The following CELA2A variants were observed in gnomAD, a reference collection of about 807,000 sequenced individuals.
The protein encoded by CELA2A is chymotrypsin like elastase 2A.
In CELA2A, 31 loss-of-function variants were observed where a neutral mutation model predicts 35.3. That is an observed-to-expected ratio of 0.88 (90% CI 0.66 to 1.19). The LOEUF (loss-of-function observed/expected upper bound fraction) is 1.19. Ranked by LOEUF, CELA2A falls within the 50% of genes most tolerant of loss-of-function variation. The pLI is 0.00. For synonymous variants in CELA2A, 150 were observed against 149.8 expected (o/e 1.00, Z -0.01); for missense variants, 330 against 352.9 (o/e 0.94, Z 0.52).
chr1:15,463,565 G>A (rs755938930), intron 5 of CELA2A, 43 bp downstream of exon 5: 11 of 1,612,472 alleles, frequency 6.8e-6, no homozygotes, highest in Middle Eastern at 1.6e-4. Context: ...AGGGAAGGGA[G>A]GTGATTCACG....
rs148630095 is a variant in CELA2A, at chr1:15,462,752, G to T, written c.247G>T (p.Val83Leu). The T allele has an allele frequency of 7.4e-6, 12 of 1,614,032 alleles. No individual in the cohort carries two copies. The East Asian group carries it at 1.3e-4, about 18-fold the overall frequency. Residue 83 changes from valine to leucine, a missense_variant, in exon 4 of 8, where the codon GTG becomes TTG. By Grantham distance (32) the Val-to-Leu change is conservative (BLOSUM62 1). Coordinates refer to ENST00000359621, the MANE Select transcript of CELA2A (RefSeq NM_033440.3). ...HCISSSRTYRVGLGRHNLYVA... is the reference protein window; with the variant it reads ...HCISSSRTYRLGLGRHNLYVA... ...TCCCAGCTCCTCCAGGACCTACCGC[G>T]TGGGGCTGGGCCGGCACAACCTCTA...
intron 2 of CELA2A, 136 bp from the exon 3 acceptor site, chr1:15,461,425 C>T (rs1708431961): frequency 3.7e-6 from 3 of 803,204 alleles, no homozygotes; most frequent in African/African-American, 1.7e-5. Flanking sequence ...GTTTTGGGTG[C>T]TGCCTTAAGT....
intron 2 of CELA2A, 130 bp downstream of exon 2, chr1:15,457,304 C>A: frequency 1.2e-6 from 1 of 822,946 alleles, no homozygotes; most frequent in Non-Finnish European, 2.0e-6. Flanking sequence ...GCAGCACAGG[C>A]AACTTTAGCA....
intron 7 of CELA2A, among the ~76,000 whole-genome samples, chr1:15,469,899 T>C (rs1159170651): frequency 6.6e-6 from 1 of 152,112 alleles, no homozygotes; most frequent in African/African-American, 2.4e-5. Flanking sequence ...CAGCTGGTCC[T>C]GGCAGCAACC....
At chr1:15,471,552 AAAAC>A (rs1290273548) in intron 7 of CELA2A, among the ~76,000 whole-genome samples, 3 of 152,080 alleles carry the variant, frequency 2.0e-5, no homozygotes, top group Admixed American at 6.5e-5. Flanking sequence ...TCTCAAAAAG[AAAAC>A]AAACAAACAA....
Position 15,467,509 on chromosome 1 carries a change from G to A in CELA2A, c.763G>A (p.Val255Ile). 1 of 1,614,166 alleles carries A rather than the reference G, an allele frequency of 6.2e-7. No individual in the cohort carries two copies. The highest frequency in any genetic ancestry group is 8.5e-7 in the Non-Finnish European group (1 of 1,180,042). ...CCACAAGCCCTCCGTCTTCACGCGGGTCTCCAATTACATCGACTGGATCAA... is the reference window on the plus strand; with the variant it reads ...CCACAAGCCCTCCGTCTTCACGCGGATCTCCAATTACATCGACTGGATCAA... ...YYHKPSVFTR[V>I]SNYIDWINSV... The change falls in exon 7 of 8, where the codon GTC becomes ATC. Residue 255 changes from valine to isoleucine, a missense_variant. Physicochemically the swap from Val to Ile is conservative, Grantham distance 29. Transcript: ENST00000359621.
Position 15,463,424 on chromosome 1 carries a change from C to G in CELA2A, c.395C>G (p.Ser132Cys). 6.2e-7 allele frequency: 1 copy of G among 1,613,982 alleles called. No homozygotes were observed. The highest frequency in any genetic ancestry group is 8.5e-7 in the Non-Finnish European group (1 of 1,179,906). ...IALLKLANPV[S>C]LTDKIQLACL... ...CTGCTCAAACTGGCTAACCCCGTCTCCCTCACCGACAAGATCCAGCTGGCC... is the reference window on the plus strand; with the variant it reads ...CTGCTCAAACTGGCTAACCCCGTCTGCCTCACCGACAAGATCCAGCTGGCC... The change falls in exon 5 of 8, where the codon TCC (serine) becomes TGC (cysteine). Residue 132 changes from serine to cysteine, a missense_variant. Physicochemically the swap from Ser to Cys is moderately radical, Grantham distance 112. Coordinates refer to ENST00000359621, the MANE Select transcript of CELA2A (RefSeq NM_033440.3).
chr1:15,471,931 A>T, intron 7 of CELA2A, 59 bp from the exon 8 acceptor site: 2 of 1,611,086 alleles, frequency 1.2e-6, no homozygotes, highest in Non-Finnish European at 1.7e-6. Flanking sequence ...GAGACAGGAA[A>T]CTGCCATGCA....
chr1:15,461,887 G>C, intron 3 of CELA2A: 1 of 694,460 alleles, frequency 1.4e-6, no homozygotes, highest in Admixed American at 2.0e-5. Context: ...GGAGGATGAA[G>C]AGGAGGGGAA....
At chr1:15,465,853 C>T (rs1208623370) in intron 5 of CELA2A, 146 bp from the exon 6 acceptor site, 8 of 920,852 alleles carry the variant, frequency 8.7e-6, no homozygotes, top group East Asian at 4.9e-5. Context: ...ACCAATCAAC[C>T]GTGAGGACAC....
intron 6 of CELA2A, among the ~76,000 whole-genome samples, 180 bp from the exon 7 acceptor site, chr1:15,467,203 ACAC>A (rs1708529922): frequency 6.6e-6 from 1 of 152,214 alleles, no homozygotes; most frequent in African/African-American, 2.4e-5. Flanking sequence ...AGCTCTGGCC[ACAC>A]AGGAAGAATA....
chr1:15,466,256 C>T lies in CELA2A; in HGVS notation c.639+112C>T, dbSNP rs147166782. The T allele has an allele frequency of 3.0e-4, 383 of 1,280,192 alleles. 3 individuals are homozygous for T. In the African/African-American group the frequency reaches 4.3e-3, roughly 14 times the overall value. The allele number at this position is 1,280,192 out of a possible 1,614,324, so 79.3% of individuals were successfully genotyped here. A position where few individuals can be genotyped will look rare whatever the true frequency, so the allele number is the denominator to read the frequency against. On this transcript the variant is annotated intron_variant, in intron 6 of 7. Transcript: ENST00000359621. ...CTCCCACCTCCTGGCAGAATTACCC[C>T]GAAACATGTTCCAGATATATCTTTG...
At chr1:15,468,091 T>TA (rs35520894) in intron 7 of CELA2A, among the ~76,000 whole-genome samples, 1,605 of 86,352 alleles carry the variant, frequency 0.019, 35 homozygotes, top group African/African-American at 0.039. Flanking sequence ...AAACTCCATC[T>TA]AAAAAAAAAA....
chr1:15,459,947 C>CA (rs80212453), intron 2 of CELA2A, among the ~76,000 whole-genome samples: 1,744 of 95,334 alleles, frequency 0.018, 33 homozygotes, highest in African/African-American at 0.053. Flanking sequence ...ATAGCCATCT[C>CA]AAAAAAAAAA....
intron 3 of CELA2A, 131 bp from the exon 4 acceptor site, chr1:15,462,601 TC>T (rs1708450486): frequency 9.2e-7 from 1 of 1,083,076 alleles, no homozygotes; most frequent in African/African-American, 1.6e-5. Flanking sequence ...TAACTGATTG[TC>T]CCAGGGGAGG....
chr1:15,462,359 C>T lies in CELA2A; in HGVS notation c.228-374C>T, dbSNP rs569515080. 5 of 378,738 alleles carry T rather than the reference C, an allele frequency of 1.3e-5. No homozygotes were observed. In the East Asian group the frequency reaches 3.6e-4, roughly 28 times the overall value. 23.5% of individuals were successfully genotyped at this position (378,738 alleles called of 1,614,324 possible). On this transcript the variant is annotated intron_variant, in intron 3 of 7. Transcript: ENST00000359621. ...TCTCACTAACGGTGGGACTCTGGGC[C>T]AGGTTACGCCTCTCTGGGCCTCAGT...
intron 5 of CELA2A, among the ~76,000 whole-genome samples, chr1:15,464,725 GT>G (rs1275945543): frequency 6.6e-6 from 1 of 152,126 alleles, no homozygotes; most frequent in African/African-American, 2.4e-5. Context: ...ACAACCTCCT[GT>G]TTGTTTCCCC....
chr1:15,457,299 A>G, intron 2 of CELA2A, 125 bp downstream of exon 2: 1 of 890,138 alleles, frequency 1.1e-6, no homozygotes, highest in Non-Finnish European at 1.8e-6. Flanking sequence ...AGAGAGCAGC[A>G]CAGGCAACTT....
Position 15,469,676 on chromosome 1 carries a change from A to T in CELA2A, c.792+2138A>T, listed in dbSNP as rs528850069. 3.5e-4 allele frequency among the ~76,000 whole-genome samples: 54 copies of T among 152,334 alleles called. 1 individual carries two copies. In the South Asian group the frequency reaches 0.011, roughly 30 times the overall value. Reference sequence around the variant, plus strand: ...TTCCAAAGACGTTTGTTGGACAAAAATGAAAAATCAAAAAGACAGTAGCCA... The same window carrying T: ...TTCCAAAGACGTTTGTTGGACAAAATTGAAAAATCAAAAAGACAGTAGCCA... On this transcript the variant is annotated intron_variant, in intron 7 of 7. Transcript: ENST00000359621.
Sources: allele counts gnomAD v4.1 joint callset (sites outside exome capture counted in the v4.1 genomes callset), GRCh38; gene constraint gnomAD v4.1.1; transcripts MANE v1.5; gene names NCBI Gene and HGNC (gene_info 2026-07-23, HGNC 2026-07-21).